The following GPR149 variants were observed in gnomAD, a reference collection of about 807,000 sequenced individuals.
GPR149 encodes the protein probable G protein-coupled receptor 149.
A neutral mutation model predicts 50.2 loss-of-function variants in GPR149; 50 were observed. The observed-to-expected ratio is 1.00, with a 90% CI of 0.79 to 1.26. The LOEUF is 1.26. Ranked by LOEUF, GPR149 falls within the 50% of genes most tolerant of loss-of-function variation. The pLI is 0.00. For synonymous variants in GPR149, 405 were observed against 358.2 expected, an observed-to-expected ratio of 1.13 and a Z score of -1.48; for missense variants, 983 against 895.4, an observed-to-expected ratio of 1.10 and a Z score of -1.25.
chr3:154,352,482 A>T (rs866032574), intron 3 of GPR149: 1 of 780,914 alleles, frequency 1.3e-6, no homozygotes, highest in South Asian at 1.4e-5. Flanking sequence ...CAGGAGGCAC[A>T]CACTGGTAAT....
chr3:154,354,822 C>CTGTGCGTGGAGG, intron 3 of GPR149: 1 of 520,888 alleles, frequency 1.9e-6, no homozygotes, highest in Non-Finnish European at 2.9e-6. Context: ...CCTCCCTCCA[C>CTGTGCGTGGAGG]GCACAGTGGC....
intron 3 of GPR149, among the ~76,000 whole-genome samples, chr3:154,365,728 C>G (rs1398232904): frequency 1.3e-5 from 2 of 152,176 alleles, no homozygotes; most frequent in Admixed American, 1.3e-4. Context: ...ATAATTCAGG[C>G]AGTTCTTTGC....
chr3:154,428,099 G>C lies in GPR149; in HGVS notation c.982-391C>G, dbSNP rs148256930. 4.0e-4 allele frequency among the ~76,000 whole-genome samples: 61 copies of C among 152,218 alleles called. No homozygotes were observed. The South Asian group carries it at 4.1e-3, about 10-fold the overall frequency. ...CCATGCGCGCTCGTCACAGTGGGGC[G>C]CCACTCTGCCACCTCTTAATCGGCT... On this transcript the variant is annotated intron_variant, in intron 1 of 3. Transcript: ENST00000389740.
chr3:154,407,121 C>G (rs536639339), intron 3 of GPR149, among the ~76,000 whole-genome samples: 1 of 152,160 alleles, frequency 6.6e-6, no homozygotes, highest in East Asian at 1.9e-4. Flanking sequence ...CCACTGGGTC[C>G]CTCCCATAAC....
At chr3:154,420,999 A>G (rs755491978) in intron 3 of GPR149, 40 bp downstream of exon 3, 1 of 1,397,122 alleles carries the variant, frequency 7.2e-7, no homozygotes, top group Admixed American at 2.2e-5. Flanking sequence ...CATATTTAGT[A>G]TCACTTTCAA....
intron 3 of GPR149, among the ~76,000 whole-genome samples, chr3:154,374,335 C>A (rs1378177176): frequency 6.6e-6 from 1 of 151,786 alleles, no homozygotes; most frequent in African/African-American, 2.4e-5. Flanking sequence ...CCATGACACC[C>A]AGATAATTTT....
intron 3 of GPR149, among the ~76,000 whole-genome samples, chr3:154,362,531 G>C (rs1024046954): frequency 6.6e-6 from 1 of 152,102 alleles, no homozygotes; most frequent in African/African-American, 2.4e-5. Flanking sequence ...CATTTATCAT[G>C]AAGCTAATGA....
intron 3 of GPR149, among the ~76,000 whole-genome samples, chr3:154,409,906 A>T (rs1460601344): frequency 2.0e-5 from 3 of 152,194 alleles, no homozygotes; most frequent in Non-Finnish European, 4.4e-5. Flanking sequence ...CTGCAAAAAG[A>T]TCATCTCCTA....
At position 154,428,912 on chromosome 3, in the gene GPR149, C is replaced by T. The variant is rs1712396007; in HGVS notation, c.704G>A (p.Gly235Glu). Reference sequence around the variant, plus strand: ...AGGAGGGGTCCCAGGAATTGAAGCTCCACGGGAAATTTCCTGGTAGTTGGA... The same window carrying T: ...AGGAGGGGTCCCAGGAATTGAAGCTTCACGGGAAATTTCCTGGTAGTTGGA... ...LHSNYQEISR[G>E]ASIPGTPPTA... Residue 235 changes from glycine to glutamate, a missense_variant, in exon 1 of 4, where the codon GGA becomes GAA. Gly to Glu is a moderately conservative substitution (Grantham distance 98). Transcript: ENST00000389740. 6.2e-7 allele frequency: 1 copy of T among 1,613,960 alleles called. No individual in the cohort carries two copies. The highest frequency in any genetic ancestry group is 1.1e-5 in the South Asian group (1 of 91,078).
At chr3:154,387,556 C>G (rs1417729145) in intron 3 of GPR149, among the ~76,000 whole-genome samples, 2 of 152,146 alleles carry the variant, frequency 1.3e-5, no homozygotes, top group East Asian at 3.9e-4. Flanking sequence ...GGTCAGATCC[C>G]ATGTCTCCTT....
At chr3:154,373,736 G>A (rs1714720410) in intron 3 of GPR149, among the ~76,000 whole-genome samples, 1 of 152,094 alleles carries the variant, frequency 6.6e-6, no homozygotes, top group Admixed American at 6.6e-5. Flanking sequence ...AGAATTCTCT[G>A]TCTTCTACTC....
At chr3:154,361,986 G>T (rs1714417260) in intron 3 of GPR149, among the ~76,000 whole-genome samples, 1 of 152,106 alleles carries the variant, frequency 6.6e-6, no homozygotes, top group African/African-American at 2.4e-5. Flanking sequence ...ATTTATATTT[G>T]TGAAGAGTTC....
At chr3:154,427,065 TTATAA>T (rs1303296373) in intron 2 of GPR149, among the ~76,000 whole-genome samples, 10 of 152,170 alleles carry the variant, frequency 6.6e-5, no homozygotes, top group East Asian at 1.9e-4. Context: ...CATAATAATG[TTATAA>T]TGTAATGAGT....
chr3:154,342,436 G>T (rs148790273), intron 3 of GPR149, among the ~76,000 whole-genome samples: 97 of 152,224 alleles, frequency 6.4e-4, no homozygotes, highest in Non-Finnish European at 1.1e-3. Flanking sequence ...AGAGAGTCTT[G>T]CTCTGTTACC....
intron 3 of GPR149, among the ~76,000 whole-genome samples, chr3:154,391,164 T>C (rs959692086): frequency 6.6e-6 from 1 of 151,992 alleles, no homozygotes; most frequent in Non-Finnish European, 1.5e-5. Flanking sequence ...AGACAAATAC[T>C]ATAATACTGT....
rs962731663 is a variant in GPR149, at chr3:154,336,128, T to C, written c.*1571A>G. ...TTTGAATTTATATGTTACACATTAT[T>C]TGAGGCTTGCTTTACAAACATTATT... On this transcript the variant is annotated 3_prime_UTR_variant, in exon 4 of 4. Transcript: ENST00000389740. 1.3e-5 allele frequency: 2 copies of C among 152,128 alleles called. No homozygotes were observed. Among genetic ancestry groups the C allele is most frequent in the African/African-American group, 4.8e-5 (2 of 41,466 alleles). The allele number at this position is 152,128 out of a possible 1,614,324, so 9.4% of individuals were successfully genotyped here. A position where few individuals can be genotyped will look rare whatever the true frequency, so the allele number is the denominator to read the frequency against.
Position 154,336,434 on chromosome 3 carries a change from T to C in GPR149, c.*1265A>G, listed in dbSNP as rs1038448318. 1 of 152,100 alleles carries C rather than the reference T, an allele frequency of 6.6e-6. No individual in the cohort carries two copies. Among genetic ancestry groups the C allele is most frequent in the Admixed American group, 6.5e-5 (1 of 15,278 alleles). 9.4% of individuals were successfully genotyped at this position (152,100 alleles called of 1,614,324 possible). On this transcript the variant is annotated 3_prime_UTR_variant, in exon 4 of 4. Coordinates refer to ENST00000389740, the MANE Select transcript of GPR149 (RefSeq NM_001038705.3). The stretch of plus-strand genomic sequence containing the variant: ...GCACAAAGTCTAAGACTATGTAAAG[T>C]GTCAACTCAGTAACTTTGGAAAATA...
chr3:154,368,549 A>G (rs1202282312), intron 3 of GPR149, among the ~76,000 whole-genome samples: 1 of 152,184 alleles, frequency 6.6e-6, no homozygotes, highest in East Asian at 1.9e-4. Flanking sequence ...AGGGCCTCTC[A>G]AGTACAATCT....
chr3:154,413,903 C>G (rs943273896), intron 3 of GPR149, among the ~76,000 whole-genome samples: 3 of 150,772 alleles, frequency 2.0e-5, no homozygotes, highest in African/African-American at 7.3e-5. Context: ...GGAACTGGCC[C>G]AAAAGCCCAA....
Sources: allele counts gnomAD v4.1 joint callset (sites outside exome capture counted in the v4.1 genomes callset), GRCh38; gene constraint gnomAD v4.1.1; transcripts MANE v1.5; gene names NCBI Gene and HGNC (gene_info 2026-07-23, HGNC 2026-07-21).